Variants in RYR2 observed in about 807,000 individuals in gnomAD.
The protein encoded by RYR2 is cardiac muscle ryanodine receptor-calcium release channel.
In RYR2, 227 loss-of-function variants were observed where a neutral mutation model predicts 601.1. The observed-to-expected ratio is 0.38, with a 90% CI of 0.34 to 0.42. The LOEUF (loss-of-function observed/expected upper bound fraction) is 0.42. Ranked by LOEUF, RYR2 falls within the 10% of genes least tolerant of loss-of-function variation. RYR2 has a pLI of 1.00. For missense variants in RYR2, 4,646 were observed against 6,156.5 expected, an observed-to-expected ratio of 0.75 and a Z score of 8.21; for synonymous variants, 2,223 against 2,175.1, an observed-to-expected ratio of 1.02 and a Z score of -0.61.
rs572177585 is a variant in RYR2 at position 237,379,900 on chromosome 1, G to A, written c.576+2465G>A. On this transcript the variant is annotated intron_variant, in intron 8 of 104. Coordinates refer to ENST00000366574, the MANE Select transcript of RYR2 (RefSeq NM_001035.3). Reference sequence around the variant, plus strand: ...ACTTTCATTTGATAATGAAGTCGTTGCTTTTATTGTTGATCTCTATGGACC... The same window carrying A: ...ACTTTCATTTGATAATGAAGTCGTTACTTTTATTGTTGATCTCTATGGACC... 2.0e-5 allele frequency among the ~76,000 whole-genome samples: 3 copies of A among 152,284 alleles called. No homozygotes were observed. The South Asian group carries it at 6.2e-4, about 32-fold the overall frequency.
At chr1:237,355,625 G>A (rs1274960952) in intron 3 of RYR2, among the ~76,000 whole-genome samples, 1 of 152,116 alleles carries the variant, frequency 6.6e-6, no homozygotes, top group Non-Finnish European at 1.5e-5. Context: ...AATTAGAGGA[G>A]AGTAGTAGTT....
chr1:237,087,314 G>C (rs1011320483), intron 1 of RYR2, among the ~76,000 whole-genome samples: 1 of 151,964 alleles, frequency 6.6e-6, no homozygotes, highest in Non-Finnish European at 1.5e-5. Context: ...CTGTTTCCAG[G>C]TTCAATTCCA....
intron 98 of RYR2, among the ~76,000 whole-genome samples, chr1:237,803,197 C>G (rs2149424530): frequency 1.3e-5 from 2 of 152,310 alleles, no homozygotes. Context: ...TCAAATTTTA[C>G]TGTGCAGCAA....
At chr1:237,361,129 A>C (rs1699752025) in intron 4 of RYR2, among the ~76,000 whole-genome samples, 1 of 152,238 alleles carries the variant, frequency 6.6e-6, no homozygotes, top group East Asian at 1.9e-4. Flanking sequence ...GGCATGAGCC[A>C]CTGCACCCAG....
At chr1:237,147,683 C>T (rs772811138) in intron 1 of RYR2, among the ~76,000 whole-genome samples, 1 of 152,198 alleles carries the variant, frequency 6.6e-6, no homozygotes, top group Non-Finnish European at 1.5e-5. Flanking sequence ...AGAGCCATTT[C>T]TTAACATTTG....
At chr1:237,333,836 A>T (rs1696984724) in intron 3 of RYR2, among the ~76,000 whole-genome samples, 1 of 152,150 alleles carries the variant, frequency 6.6e-6, no homozygotes, top group Non-Finnish European at 1.5e-5. Flanking sequence ...TTTTCCTAGG[A>T]TGAAGTGTGT....
intron 1 of RYR2, among the ~76,000 whole-genome samples, chr1:237,247,888 G>A (rs1458416562): frequency 6.6e-6 from 1 of 152,124 alleles, no homozygotes; most frequent in African/African-American, 2.4e-5. Flanking sequence ...GAGAGGGTGA[G>A]GAAAGATCCA....
intron 10 of RYR2, among the ~76,000 whole-genome samples, chr1:237,396,802 C>T (rs1702894855): frequency 1.3e-5 from 2 of 152,058 alleles, no homozygotes; most frequent in African/African-American, 4.8e-5. Context: ...AGAACCTGGG[C>T]CTAAACTTCA....
At chr1:237,089,959 A>T (rs187830910) in intron 1 of RYR2, among the ~76,000 whole-genome samples, 2 of 152,232 alleles carry the variant, frequency 1.3e-5, no homozygotes, top group East Asian at 3.9e-4. Context: ...GATTTAATTG[A>T]CTCACAGTTC....
chr1:237,407,608 T>A (rs1378124277), intron 10 of RYR2, among the ~76,000 whole-genome samples: 1 of 51,862 alleles, frequency 1.9e-5, no homozygotes, highest in Non-Finnish European at 3.7e-5. Context: ...AAATTGTGGT[T>A]GTTTTTTTTT....
intron 41 of RYR2, among the ~76,000 whole-genome samples, chr1:237,629,465 A>T (rs192075939): frequency 3.2e-4 from 49 of 152,246 alleles, no homozygotes; most frequent in African/African-American, 1.1e-3. Context: ...TTCATTAAGA[A>T]CAATACCTAA....
At position 237,687,456 on chromosome 1, in the gene RYR2, C is replaced by G; in HGVS notation, c.9019C>G (p.Leu3007Val). The change falls in exon 63 of 105, where the codon CTA (leucine) becomes GTA (valine). Residue 3007 changes from leucine (L) to valine (V), a missense_variant and splice_region_variant. Leu to Val is a conservative substitution (Grantham distance 32). Coordinates refer to ENST00000366574, the MANE Select transcript of RYR2 (RefSeq NM_001035.3). The part of the protein sequence containing the change: ...SNKEKEMVTS[L>V]FCKLGVLVRH... ...CTTTTGTTTTTCTTTTGTCTTCAGC[C>G]TATTCTGCAAACTTGGAGTTCTTGT... 1 of 1,561,644 alleles carries G rather than the reference C, an allele frequency of 6.4e-7. No individual in the cohort carries two copies. The highest frequency in any genetic ancestry group is 1.1e-5 in the South Asian group (1 of 89,294).
chr1:237,515,934 CT>C (rs1666487822), intron 24 of RYR2, among the ~76,000 whole-genome samples: 1 of 147,770 alleles, frequency 6.8e-6, no homozygotes, highest in Non-Finnish European at 1.5e-5. Flanking sequence ...TCTTCTCCTT[CT>C]TCCTCTTCTC....
chr1:237,094,729 C>A (rs938597543), intron 1 of RYR2, among the ~76,000 whole-genome samples: 1 of 152,086 alleles, frequency 6.6e-6, no homozygotes, highest in African/African-American at 2.4e-5. Flanking sequence ...GTAGCTGGGA[C>A]TACAGGCGCC....
At chr1:237,301,102 G>A (rs973792973) in intron 2 of RYR2, among the ~76,000 whole-genome samples, 11 of 152,008 alleles carry the variant, frequency 7.2e-5, no homozygotes, top group Admixed American at 5.2e-4. Flanking sequence ...GCAGTGCCCA[G>A]TCAAGTGCCA....
intron 1 of RYR2, among the ~76,000 whole-genome samples, chr1:237,169,542 T>TC (rs55898651): frequency 0.93 from 140,905 of 152,136 alleles, 65,937 homozygotes; most frequent in Non-Finnish European, 0.99. Context: ...TCGTGATCCA[T>TC]CACCTCGACC....
intron 84 of RYR2, among the ~76,000 whole-genome samples, chr1:237,766,151 G>A (rs1048584913): frequency 2.0e-5 from 3 of 152,100 alleles, no homozygotes; most frequent in Admixed American, 6.5e-5. Context: ...TGGAAACATA[G>A]TACCTGGGAG....
Position 237,639,209 on chromosome 1 carries a change from T to C in RYR2, c.7115+8T>C. 1 of 1,606,034 alleles carries C rather than the reference T, an allele frequency of 6.2e-7. No homozygotes were observed. The highest frequency in any genetic ancestry group is 1.1e-5 in the South Asian group (1 of 90,326). On this transcript the variant is annotated splice_region_variant and intron_variant, in intron 46 of 104. Transcript: ENST00000366574. ...CGGATCCAGTAAAACACTGTAGGTC[T>C]AATATACACACCCTCACGAGTGATC...
At chr1:237,231,443 A>T (rs1254553994) in intron 1 of RYR2, among the ~76,000 whole-genome samples, 1 of 151,714 alleles carries the variant, frequency 6.6e-6, no homozygotes, top group Non-Finnish European at 1.5e-5. Flanking sequence ...CTACAGGCGC[A>T]CACTACTGCA....
Sources: allele counts gnomAD v4.1 joint callset (sites outside exome capture counted in the v4.1 genomes callset), GRCh38; gene constraint gnomAD v4.1.1; transcripts MANE v1.5; gene names NCBI Gene and HGNC (gene_info 2026-07-23, HGNC 2026-07-21).